Variants in CLHC1 observed in about 807,000 individuals in gnomAD.
CLHC1 encodes clathrin heavy chain linker domain containing 1, also known as clathrin heavy chain linker domain-containing protein 1.
Under a neutral mutation model 69.5 loss-of-function variants are expected in CLHC1, and 72 were observed. The ratio of observed to expected loss-of-function variants is 1.04; its 90% CI spans 0.86 to 1.26. CLHC1 has a LOEUF of 1.26. Among genes scored for constraint, CLHC1 ranks in the 50% most tolerant of loss-of-function variants. CLHC1 has a pLI of 0.00. For synonymous variants in CLHC1, 223 were observed against 224.3 expected (o/e 0.99, Z 0.05); for missense variants, 790 against 679.3 (o/e 1.16, Z -1.81).
intron 9 of CLHC1, among the ~76,000 whole-genome samples, chr2:55,204,839 CA>C (rs1672287479): frequency 6.6e-6 from 1 of 152,092 alleles, no homozygotes; most frequent in South Asian, 2.1e-4. Context: ...CACTGAAGGA[CA>C]AACTTCACAT....
intron 5 of CLHC1, among the ~76,000 whole-genome samples, chr2:55,211,934 GT>G (rs1464333708): frequency 2.0e-5 from 3 of 152,190 alleles, no homozygotes; most frequent in Admixed American, 2.0e-4. Flanking sequence ...ATACACTACA[GT>G]TTTCCTTATA....
At chr2:55,226,063 G>A (rs576914428) in intron 2 of CLHC1, among the ~76,000 whole-genome samples, 1 of 152,096 alleles carries the variant, frequency 6.6e-6, no homozygotes, top group African/African-American at 2.4e-5. Flanking sequence ...GTGGTGGCGG[G>A]CGCCTGTAGT....
In CLHC1 at chr2:55,226,128, G is replaced by C. The variant is rs138129674; in HGVS notation, c.-83+1904C>G. Among the ~76,000 whole-genome samples, 662 of 151,340 alleles carry C rather than the reference G, an allele frequency of 4.4e-3. 2 individuals carry two copies. The highest frequency in any genetic ancestry group is 6.2e-3 in the Non-Finnish European group (421 of 67,944). ...AGTGGCGTGAACCCGGGAGGCGGAG[G>C]TTGCAGTGAGCCAAGATCGCACCAC... is the stretch of plus-strand genomic sequence containing the variant. On this transcript the variant is annotated intron_variant, in intron 2 of 12. Coordinates refer to ENST00000401408, the MANE Select transcript of CLHC1 (RefSeq NM_152385.4).
At chr2:55,195,905 T>C (rs948453766) in intron 9 of CLHC1, among the ~76,000 whole-genome samples, 1 of 152,122 alleles carries the variant, frequency 6.6e-6, no homozygotes, top group Non-Finnish European at 1.5e-5. Flanking sequence ...CAGCACCTGA[T>C]TATAGCTTCA....
chr2:55,206,466 G>GA (rs1672457969), intron 8 of CLHC1, 90 bp from the exon 9 acceptor site: 1 of 717,658 alleles, frequency 1.4e-6, no homozygotes. Flanking sequence ...ACTAAATATA[G>GA]CGGCATAACG....
At chr2:55,210,552 T>C (rs1463997584) in intron 5 of CLHC1, among the ~76,000 whole-genome samples, 5 of 152,098 alleles carry the variant, frequency 3.3e-5, no homozygotes, top group African/African-American at 1.2e-4. Context: ...TGAGAACACA[T>C]AAACCTTAGC....
intron 9 of CLHC1, among the ~76,000 whole-genome samples, chr2:55,187,920 ATAAG>A (rs1252710109): frequency 1.3e-5 from 2 of 152,210 alleles, no homozygotes; most frequent in Non-Finnish European, 1.5e-5. Flanking sequence ...TTTATAATAC[ATAAG>A]TAACTCCTAA....
chr2:55,210,097 C>T (rs555551350), intron 5 of CLHC1, among the ~76,000 whole-genome samples: 89 of 152,262 alleles, frequency 5.8e-4, no homozygotes, highest in Middle Eastern at 3.4e-3. Flanking sequence ...TGGGCTCAAG[C>T]AATCTGCCCA....
At chr2:55,211,905 C>T (rs1319156242) in intron 5 of CLHC1, among the ~76,000 whole-genome samples, 1 of 152,202 alleles carries the variant, frequency 6.6e-6, no homozygotes, top group Non-Finnish European at 1.5e-5. Context: ...CATGAATCAA[C>T]AATATCCACC....
At position 55,217,901 on chromosome 2, in the gene CLHC1, G is replaced by GTAGT; in HGVS notation, c.271_274dup (p.Thr92AsnfsTer10). On this transcript the variant is annotated frameshift_variant, in exon 4 of 13. Transcript: ENST00000401408. LOFTEE classifies it high-confidence loss of function. Reference sequence around the variant, plus strand: ...TTTAAGTTTTCCATGAAGACAAAATGTAGTTCTTCGGTCTTTCTTTATTGT... The same window carrying GTAGT: ...TTTAAGTTTTCCATGAAGACAAAATGTAGTTAGTTCTTCGGTCTTTCTTTATTGT... 6.2e-7 allele frequency: 1 copy of GTAGT among 1,603,686 alleles called. No individual in the cohort carries two copies. Among genetic ancestry groups the GTAGT allele is most frequent in the Non-Finnish European group, 8.5e-7 (1 of 1,174,906 alleles).
chr2:55,199,807 A>G lies in CLHC1; in HGVS notation c.1006+6463T>C, dbSNP rs1373850045. The stretch of plus-strand genomic sequence containing the variant: ...AGAGAAAATCATCTTCACTAAAAGA[A>G]AGACAGGAAGGAAGGAAAGAAGGAA... On this transcript the variant is annotated intron_variant, in intron 9 of 12. Coordinates refer to ENST00000401408, the MANE Select transcript of CLHC1 (RefSeq NM_152385.4). Among the ~76,000 whole-genome samples, 3 of 152,324 alleles carry G rather than the reference A, an allele frequency of 2.0e-5. No homozygotes were observed. The East Asian group carries it at 5.8e-4, about 29-fold the overall frequency.
At chr2:55,188,606 C>T (rs1475829233) in intron 9 of CLHC1, among the ~76,000 whole-genome samples, 1 of 151,968 alleles carries the variant, frequency 6.6e-6, no homozygotes, top group African/African-American at 2.4e-5. Flanking sequence ...AGATACATAT[C>T]CCAGAGAAGT....
intron 9 of CLHC1, among the ~76,000 whole-genome samples, chr2:55,196,839 C>T (rs144083337): frequency 1.7e-4 from 26 of 152,320 alleles, no homozygotes; most frequent in African/African-American, 5.1e-4. Context: ...AAGACTTTGT[C>T]TTGCAGCTTA....
chr2:55,195,041 C>A (rs1671276660), intron 9 of CLHC1, among the ~76,000 whole-genome samples: 2 of 152,098 alleles, frequency 1.3e-5, no homozygotes, highest in Non-Finnish European at 2.9e-5. Context: ...CTCAGCCACC[C>A]AACTAGCTGG....
At position 55,211,374 on chromosome 2, in the gene CLHC1, C is replaced by T. The variant is rs574022799; in HGVS notation, c.499+1299G>A. ...AAAATTAGCCGGGCGTGGTGGCAGG[C>T]GCCTGTAGTCCCAGCTACTCAGGAG... is the stretch of plus-strand genomic sequence containing the variant. On this transcript the variant is annotated intron_variant, in intron 5 of 12. Coordinates refer to ENST00000401408, the MANE Select transcript of CLHC1 (RefSeq NM_152385.4). Among the ~76,000 whole-genome samples the T allele has an allele frequency of 8.9e-3, 1,352 of 151,744 alleles. 8 individuals carry two copies. The highest frequency in any genetic ancestry group is 0.012 in the Non-Finnish European group (831 of 67,902).
intron 8 of CLHC1, 32 bp downstream of exon 8, chr2:55,208,594 T>C (rs750674080): frequency 3.7e-6 from 5 of 1,349,778 alleles, no homozygotes; most frequent in Non-Finnish European, 5.3e-6. Flanking sequence ...AAAAATATAA[T>C]TCTGAAAAAT....
At chr2:55,198,598 C>CA (rs557582034) in intron 9 of CLHC1, among the ~76,000 whole-genome samples, 146 of 150,780 alleles carry the variant, frequency 9.7e-4, no homozygotes, top group African/African-American at 3.3e-3. Context: ...AAATCCAAAA[C>CA]AAAAAAAAGG....
intron 9 of CLHC1, among the ~76,000 whole-genome samples, chr2:55,188,268 T>A (rs963408414): frequency 6.6e-6 from 1 of 152,024 alleles, no homozygotes; most frequent in Non-Finnish European, 1.5e-5. Context: ...GTGAGCCATG[T>A]TTGTACCACT....
At position 55,181,683 on chromosome 2, in the gene CLHC1, G is replaced by C. The variant is rs750076821; in HGVS notation, c.1068C>G (p.Ile356Met). 1 of 1,613,642 alleles carries C rather than the reference G, an allele frequency of 6.2e-7. No individual in the cohort carries two copies. The highest frequency in any genetic ancestry group is 1.3e-5 in the African/African-American group (1 of 74,882). The change falls in exon 10 of 13, where the codon ATC becomes ATG. Residue 356 changes from isoleucine to methionine, a missense_variant. Ile to Met is a conservative substitution (Grantham distance 10, BLOSUM62 1). Coordinates refer to ENST00000401408, the MANE Select transcript of CLHC1 (RefSeq NM_152385.4). ...CAGGACATGGAAAAGCATGACTTGT[G>C]ATAAAGAGGGCCTCAAAAAATAAGA... ...PLLLFFEALFITSHAFPCPVD... is the reference protein window; with the variant it reads ...PLLLFFEALFMTSHAFPCPVD...
Sources: allele counts gnomAD v4.1 joint callset (sites outside exome capture counted in the v4.1 genomes callset), GRCh38; gene constraint gnomAD v4.1.1; transcripts MANE v1.5; gene names NCBI Gene and HGNC (gene_info 2026-07-23, HGNC 2026-07-21).